THADA: variants seen among roughly 807,000 people sequenced by gnomAD.
THADA encodes the protein tRNA (32-2'-O)-methyltransferase regulator THADA.
A neutral mutation model predicts 219.8 loss-of-function variants in THADA; 213 were observed. The observed-to-expected ratio is 0.97, with a 90% CI of 0.87 to 1.09. THADA has a LOEUF of 1.09. Among genes scored for constraint, THADA ranks in the 50% least tolerant of loss-of-function variants. The pLI, the probability that THADA is intolerant of heterozygous loss-of-function variation, is 0.00. For missense variants in THADA, 2,956 were observed against 2,311.3 expected, an observed-to-expected ratio of 1.28 and a Z score of -5.72; for synonymous variants, 1,018 against 828.9, an observed-to-expected ratio of 1.23 and a Z score of -3.92.
chr2:43,574,221 C>T (rs1254904616), intron 11 of THADA, 115 bp downstream of exon 11: 1 of 769,040 alleles, frequency 1.3e-6, no homozygotes, highest in African/African-American at 1.8e-5. Flanking sequence ...TTAATCTCTT[C>T]CTTTACTATT....
chr2:43,314,283 A>G (rs1677830542), intron 31 of THADA, among the ~76,000 whole-genome samples: 1 of 152,216 alleles, frequency 6.6e-6, no homozygotes, highest in Non-Finnish European at 1.5e-5. Flanking sequence ...ATATTTCAAT[A>G]TATTACACAT....
chr2:43,457,413 A>C (rs1683147070), intron 26 of THADA, among the ~76,000 whole-genome samples: 1 of 152,182 alleles, frequency 6.6e-6, no homozygotes, highest in South Asian at 2.1e-4. Context: ...AATTATTTGT[A>C]ATTACAACAG....
chr2:43,455,527 C>G (rs1682882617), intron 26 of THADA, among the ~76,000 whole-genome samples: 1 of 152,080 alleles, frequency 6.6e-6, no homozygotes, highest in Non-Finnish European at 1.5e-5. Context: ...CTCACACACA[C>G]ACACACACAC....
At chr2:43,472,533 G>C (rs1467882417) in intron 26 of THADA, among the ~76,000 whole-genome samples, 1 of 152,248 alleles carries the variant, frequency 6.6e-6, no homozygotes, top group Non-Finnish European at 1.5e-5. Flanking sequence ...AAGCATGAAA[G>C]AGATGGAGAT....
chr2:43,231,024 G>C lies in THADA; in HGVS notation c.5786C>G (p.Thr1929Ser). The C allele has an allele frequency of 6.2e-7, 1 of 1,613,912 alleles. No individual in the cohort carries two copies. Residue 1929 changes from threonine to serine, a missense_variant, in exon 38 of 38, where the codon ACC becomes AGC. Coordinates refer to ENST00000405975, the MANE Select transcript of THADA (RefSeq NM_022065.5). ...AFLEGKEGED[T>S]LVLSVWDSYA... ...AGAGTCCCAAACACTGAGAACTAGG[G>C]TGTCTTCCCCTTCCTTTCCTTCCAA...
chr2:43,432,681 T>C (rs1014243411), intron 26 of THADA, among the ~76,000 whole-genome samples: 3 of 152,150 alleles, frequency 2.0e-5, no homozygotes, highest in Non-Finnish European at 4.4e-5. Flanking sequence ...CTTTGAACAT[T>C]TGCTGTTGTT....
At chr2:43,583,372 C>A (rs1700665654) in intron 7 of THADA, among the ~76,000 whole-genome samples, 1 of 152,200 alleles carries the variant, frequency 6.6e-6, no homozygotes, top group Non-Finnish European at 1.5e-5. Flanking sequence ...TTGGCCTGAG[C>A]CACTCTCATC....
At chr2:43,359,054 G>A (rs1050477833) in intron 29 of THADA, among the ~76,000 whole-genome samples, 1 of 152,118 alleles carries the variant, frequency 6.6e-6, no homozygotes, top group Non-Finnish European at 1.5e-5. Flanking sequence ...AAAATCTCCA[G>A]CAGTGAGGTC....
chr2:43,245,172 CTTTTTTTTTT>C (rs200036949), intron 36 of THADA, among the ~76,000 whole-genome samples: 2 of 103,094 alleles, frequency 1.9e-5, no homozygotes, highest in South Asian at 3.7e-4. Flanking sequence ...CTTTCTTCTT[CTTTTTTTTTT>C]TTTTTTTTGA....
chr2:43,583,915 C>CTA (rs1229759095), intron 7 of THADA, among the ~76,000 whole-genome samples: 2 of 151,570 alleles, frequency 1.3e-5, no homozygotes, highest in Non-Finnish European at 2.9e-5. Context: ...TGGCGGACGT[C>CTA]TGTGGGCCCA....
intron 26 of THADA, among the ~76,000 whole-genome samples, chr2:43,468,420 C>T (rs916837720): frequency 6.6e-6 from 1 of 152,142 alleles, no homozygotes; most frequent in African/African-American, 2.4e-5. Context: ...TACTGAATAA[C>T]TAACTCCATT....
chr2:43,483,247 A>G (rs956872012), intron 26 of THADA, among the ~76,000 whole-genome samples: 6 of 152,284 alleles, frequency 3.9e-5, no homozygotes, highest in African/African-American at 9.6e-5. Context: ...AGTGCCCATT[A>G]CGTACCCAGA....
Position 43,558,877 on chromosome 2 carries a change from T to C in THADA, c.2463+1357A>G, listed in dbSNP as rs144849982. 1.2e-3 allele frequency among the ~76,000 whole-genome samples: 190 copies of C among 152,332 alleles called. 1 individual carries two copies. Among genetic ancestry groups the C allele is most frequent in the African/African-American group, 4.5e-3 (187 of 41,582 alleles). On this transcript the variant is annotated intron_variant, in intron 16 of 37. Transcript: ENST00000405975. ...TTACTAATCTGCAAGCCAGAGAGTATAATCAAAATCCTATAGCAAACCACA... is the reference window on the plus strand; with the variant it reads ...TTACTAATCTGCAAGCCAGAGAGTACAATCAAAATCCTATAGCAAACCACA...
chr2:43,456,171 G>A (rs139709358), intron 26 of THADA, among the ~76,000 whole-genome samples: 6 of 152,114 alleles, frequency 3.9e-5, no homozygotes, highest in African/African-American at 1.4e-4. Flanking sequence ...ACTCATCATT[G>A]TTAAGGCAAA....
intron 36 of THADA, among the ~76,000 whole-genome samples, chr2:43,274,474 AAC>A (rs1359199930): frequency 1.3e-5 from 2 of 152,202 alleles, no homozygotes; most frequent in Non-Finnish European, 2.9e-5. Flanking sequence ...CCTAATAGAA[AAC>A]AGTCTCTAAG....
chr2:43,476,277 C>T (rs933746893), intron 26 of THADA, among the ~76,000 whole-genome samples: 1 of 152,156 alleles, frequency 6.6e-6, no homozygotes, highest in East Asian at 1.9e-4. Context: ...ATGCACAAGG[C>T]CACTGGGTAT....
At chr2:43,368,399 C>T (rs1299687684) in intron 29 of THADA, among the ~76,000 whole-genome samples, 1 of 152,038 alleles carries the variant, frequency 6.6e-6, no homozygotes, top group African/African-American at 2.4e-5. Flanking sequence ...ATCTCCACTC[C>T]ATACCACTTT....
At chr2:43,292,245 C>T (rs751160842) in intron 32 of THADA, 23 bp from the exon 33 acceptor site, 1 of 1,445,242 alleles carries the variant, frequency 6.9e-7, no homozygotes, top group Non-Finnish European at 9.5e-7. Flanking sequence ...AATCCGCACA[C>T]AAAAAAGAGA....
chr2:43,552,008 T>C (rs1280029438), intron 18 of THADA, 83 bp from the exon 19 acceptor site: 2 of 1,567,676 alleles, frequency 1.3e-6, no homozygotes, highest in Non-Finnish European at 1.7e-6. Flanking sequence ...GGATTGACTT[T>C]GTGTTTCAAA....
Sources: gnomAD v4.1 joint callset for allele counts (sites outside exome capture counted in the v4.1 genomes callset) on GRCh38, gnomAD v4.1.1 for gene constraint, MANE v1.5 for transcripts, NCBI Gene and HGNC (gene_info 2026-07-23, HGNC 2026-07-21) for gene names.